PCDH17: variants seen among roughly 807,000 people sequenced by gnomAD.
PCDH17 encodes protocadherin 17.
A neutral mutation model predicts 67.7 loss-of-function variants in PCDH17; 21 were observed. That is an observed-to-expected ratio of 0.31 (90% confidence interval 0.22 to 0.45). The LOEUF is 0.45. Among genes scored for constraint, PCDH17 ranks in the 20% least tolerant of loss-of-function variants. PCDH17 has a pLI of 1.00. For synonymous variants in PCDH17, 701 were observed against 656.7 expected (o/e 1.07, Z -1.03); for missense variants, 1,471 against 1,564.8 (o/e 0.94, Z 1.01).
intron 1 of PCDH17, among the ~76,000 whole-genome samples, chr13:57,650,619 T>C: frequency 6.6e-6 from 1 of 152,194 alleles, no homozygotes; most frequent in East Asian, 1.9e-4. Flanking sequence ...TAATTTTCAC[T>C]CTTCTCAAAA....
At chr13:57,643,519 A>G (rs1238330308) in intron 1 of PCDH17, among the ~76,000 whole-genome samples, 2 of 151,598 alleles carry the variant, frequency 1.3e-5, no homozygotes, top group Admixed American at 1.3e-4. Context: ...GGTGAATTCT[A>G]TTATAATAGT....
Position 57,726,471 on chromosome 13 carries a change from A to G in PCDH17, c.*1177A>G, listed in dbSNP as rs185717650. ...GTTGCCTTGGTAGCTGTCGAACTCT[A>G]TGAGTTTTGTTTTTTCCTGCTTCCT... On this transcript the variant is annotated 3_prime_UTR_variant, in exon 4 of 4. Transcript: ENST00000377918. 2.6e-5 allele frequency: 4 copies of G among 152,754 alleles called. No individual in the cohort carries two copies. The highest frequency in any genetic ancestry group is 4.8e-5 in the African/African-American group (2 of 41,586). The allele number at this position is 152,754 out of a possible 1,614,324, so 9.5% of individuals were successfully genotyped here.
intron 3 of PCDH17, among the ~76,000 whole-genome samples, chr13:57,701,693 T>C (rs1955664150): frequency 6.6e-6 from 1 of 152,128 alleles, no homozygotes. Flanking sequence ...TAGAGAAGTA[T>C]GGTGATAGGT....
At chr13:57,693,978 T>C (rs1955583720) in intron 3 of PCDH17, among the ~76,000 whole-genome samples, 1 of 150,916 alleles carries the variant, frequency 6.6e-6, no homozygotes, top group South Asian at 2.1e-4. Context: ...TTTTTTTTTT[T>C]CTTTTTTGAG....
chr13:57,722,594 T>C (rs1955880125), intron 3 of PCDH17, among the ~76,000 whole-genome samples: 1 of 152,098 alleles, frequency 6.6e-6, no homozygotes, highest in Admixed American at 6.6e-5. Context: ...ATTGAACCTT[T>C]CTTTTTGCTT....
Position 57,632,409 on chromosome 13 carries a change from G to C in PCDH17, c.-138G>C. 2 of 803,428 alleles carry C rather than the reference G, an allele frequency of 2.5e-6. No homozygotes were observed. Among genetic ancestry groups the C allele is most frequent in the Non-Finnish European group, 2.0e-6 (1 of 510,008 alleles). 49.8% of individuals were successfully genotyped at this position (803,428 alleles called of 1,614,324 possible). ...AGAGACCACCGGGTGCCGCAGCTCG[G>C]GTGCAGAGGGAAAAAAGGACCCATA... On this transcript the variant is annotated 5_prime_UTR_variant, in exon 1 of 4. Coordinates refer to ENST00000377918, the MANE Select transcript of PCDH17 (RefSeq NM_001040429.3).
At chr13:57,639,532 A>G (rs1186388248) in intron 1 of PCDH17, among the ~76,000 whole-genome samples, 1 of 151,776 alleles carries the variant, frequency 6.6e-6, no homozygotes, top group Non-Finnish European at 1.5e-5. Flanking sequence ...AACTAATATA[A>G]CTCTTTGTAA....
chr13:57,677,659 C>T (rs940506391), intron 3 of PCDH17, among the ~76,000 whole-genome samples: 3 of 151,824 alleles, frequency 2.0e-5, no homozygotes, highest in African/African-American at 7.2e-5. Flanking sequence ...GACACACTGT[C>T]GGTTCTTTAG....
intron 3 of PCDH17, among the ~76,000 whole-genome samples, chr13:57,670,495 A>C (rs1164843911): frequency 6.6e-6 from 1 of 151,266 alleles, no homozygotes; most frequent in Non-Finnish European, 1.5e-5. Flanking sequence ...AATGTGTAGC[A>C]GTGCCTTACA....
rs748474739 is a variant in PCDH17, at chr13:57,633,522, C to G, written c.976C>G (p.Leu326Val). 5.6e-6 allele frequency: 9 copies of G among 1,613,796 alleles called. No individual in the cohort carries two copies. In the African/African-American group the frequency reaches 1.1e-4, roughly 19 times the overall value. The change falls in exon 1 of 4, where the codon CTG becomes GTG. Residue 326 changes from leucine (L) to valine (V), a missense_variant. Physicochemically the swap from Leu to Val is conservative, Grantham distance 32 (BLOSUM62 1). This residue lies in a region of PCDH17 where 1,163 missense variants were observed against 1,230.0 expected (regional missense o/e 0.95). Coordinates refer to ENST00000377918, the MANE Select transcript of PCDH17 (RefSeq NM_001040429.3). The surrounding 1 kb of genome is among the most constrained non-coding windows in gnomAD (Gnocchi z 6.2). ...GGAGATTGACGTGCAGGCCCGAGAC[C>G]TGGGGCCTAACCCTATCCCAGCCCA... ...MLEIDVQARD[L>V]GPNPIPAHCK...
chr13:57,659,961 G>C (rs74345578), intron 1 of PCDH17, among the ~76,000 whole-genome samples: 2 of 152,148 alleles, frequency 1.3e-5, no homozygotes, highest in African/African-American at 2.4e-5. Context: ...GGCTGGGTTC[G>C]GTGGCTTATG....
intron 3 of PCDH17, among the ~76,000 whole-genome samples, chr13:57,698,689 C>T (rs996063886): frequency 6.6e-6 from 1 of 151,654 alleles, no homozygotes; most frequent in Non-Finnish European, 1.5e-5. Context: ...TTCTCTCACT[C>T]TGAAGCTGAT....
At chr13:57,635,244 C>A in intron 1 of PCDH17, 133 bp downstream of exon 1, 2 of 815,644 alleles carry the variant, frequency 2.5e-6, no homozygotes, top group Non-Finnish European at 3.9e-6. Flanking sequence ...AAACGGTTTA[C>A]ACTTTTGACA....
chr13:57,715,159 C>T (rs1955807218), intron 3 of PCDH17, among the ~76,000 whole-genome samples: 1 of 151,756 alleles, frequency 6.6e-6, no homozygotes, highest in African/African-American at 2.4e-5. Context: ...TAACAGACAT[C>T]TGATATTACT....
chr13:57,689,170 C>G (rs1955534214), intron 3 of PCDH17, among the ~76,000 whole-genome samples: 1 of 151,922 alleles, frequency 6.6e-6, no homozygotes, highest in Non-Finnish European at 1.5e-5. Flanking sequence ...TTTCTGAGTA[C>G]AAATGTACAA....
chr13:57,669,911 A>G (rs1955299586), intron 3 of PCDH17, among the ~76,000 whole-genome samples: 1 of 152,060 alleles, frequency 6.6e-6, no homozygotes, highest in Admixed American at 6.6e-5. Flanking sequence ...GAAGATCAAA[A>G]TATCTCATAT....
chr13:57,679,799 G>T (rs1179286470), intron 3 of PCDH17, among the ~76,000 whole-genome samples: 3 of 151,462 alleles, frequency 2.0e-5, no homozygotes, highest in African/African-American at 7.3e-5. Context: ...AAGAAAACCT[G>T]AGAAAATTTT....
At chr13:57,715,938 C>A (rs1296358002) in intron 3 of PCDH17, among the ~76,000 whole-genome samples, 3 of 151,848 alleles carry the variant, frequency 2.0e-5, no homozygotes, top group Non-Finnish European at 2.9e-5. Flanking sequence ...TTTAAAAATG[C>A]AAGATTTATG....
At chr13:57,664,529 C>A (rs947081033) in intron 1 of PCDH17, among the ~76,000 whole-genome samples, 1 of 152,096 alleles carries the variant, frequency 6.6e-6, no homozygotes, top group East Asian at 1.9e-4. Flanking sequence ...TGTGTCTAAA[C>A]GAATAGGGAT....
Sources: gnomAD v4.1 joint callset for allele counts (sites outside exome capture counted in the v4.1 genomes callset) on GRCh38, gnomAD v4.1.1 for gene constraint, gnomAD v4.1.1 regional missense constraint, Gnocchi (gnomAD v3.1) non-coding constraint, MANE v1.5 for transcripts, NCBI Gene and HGNC (gene_info 2026-07-23, HGNC 2026-07-21) for gene names.